TMEM117: variants seen among roughly 807,000 people sequenced by gnomAD.
TMEM117 encodes transmembrane protein 117.
A neutral mutation model predicts 52.4 loss-of-function variants in TMEM117; 27 were observed. The ratio of observed to expected loss-of-function variants is 0.51; its 90% CI spans 0.38 to 0.71. The LOEUF is 0.71. Among genes scored for constraint, TMEM117 ranks in the 30% least tolerant of loss-of-function variants. The probability of loss-of-function intolerance (pLI) is 0.00; values close to 1 mark genes in which losing one functional copy is unlikely to be tolerated. For missense variants in TMEM117, 556 were observed against 630.5 expected (o/e 0.88, Z 1.26); for synonymous variants, 215 against 206.3 (o/e 1.04, Z -0.36).
At chr12:44,177,193 A>G (rs948393290) in intron 4 of TMEM117, among the ~76,000 whole-genome samples, 2 of 152,196 alleles carry the variant, frequency 1.3e-5, no homozygotes, top group African/African-American at 4.8e-5. Context: ...GAAAAGAAAG[A>G]TATTTCTAAC....
Position 44,124,845 on chromosome 12 carries a change from A to T in TMEM117, c.411-18680A>T, listed in dbSNP as rs546200734. On this transcript the variant is annotated intron_variant, in intron 3 of 7. Coordinates refer to ENST00000266534, the MANE Select transcript of TMEM117 (RefSeq NM_032256.3). The stretch of plus-strand genomic sequence containing the variant: ...ATTTTTGCATCAATGTTCACCAAGG[A>T]TATTGGCCTGAGGTTTTCTTTCTTT... Among the ~76,000 whole-genome samples the T allele has an allele frequency of 2.6e-5, 4 of 152,236 alleles. No individual in the cohort carries two copies. The South Asian group carries it at 8.3e-4, about 32-fold the overall frequency.
intron 4 of TMEM117, among the ~76,000 whole-genome samples, chr12:44,151,796 G>T (rs1390156557): frequency 6.9e-6 from 1 of 144,136 alleles, no homozygotes; most frequent in East Asian, 2.0e-4. Context: ...AGTGCCTCTT[G>T]TGGGCCGAGA....
At chr12:43,842,801 T>C (rs570625935) in intron 1 of TMEM117, among the ~76,000 whole-genome samples, 3 of 152,118 alleles carry the variant, frequency 2.0e-5, no homozygotes, top group Non-Finnish European at 4.4e-5. Flanking sequence ...ACAGAGTTAT[T>C]ATAATTGTGT....
chr12:43,922,166 CTCTT>C (rs1472659990), intron 2 of TMEM117, among the ~76,000 whole-genome samples: 1 of 152,116 alleles, frequency 6.6e-6, no homozygotes, highest in African/African-American at 2.4e-5. Flanking sequence ...TGTGTGGTCT[CTCTT>C]TCTGTCTCTG....
intron 6 of TMEM117, among the ~76,000 whole-genome samples, chr12:44,328,052 G>T (rs953938012): frequency 1.3e-5 from 2 of 152,152 alleles, no homozygotes; most frequent in African/African-American, 4.8e-5. Flanking sequence ...TGTAAATAGT[G>T]AACTTGTCAA....
chr12:44,282,316 A>G (rs1950587769), intron 5 of TMEM117, among the ~76,000 whole-genome samples: 1 of 152,182 alleles, frequency 6.6e-6, no homozygotes, highest in Admixed American at 6.5e-5. Flanking sequence ...ATGACTTTGG[A>G]ACTGGGTAAC....
intron 3 of TMEM117, among the ~76,000 whole-genome samples, chr12:44,067,717 T>C (rs1169436198): frequency 6.6e-6 from 1 of 152,176 alleles, no homozygotes; most frequent in African/African-American, 2.4e-5. Flanking sequence ...CAGGCAGAGT[T>C]AGGTATAGCA....
At chr12:44,033,334 C>T (rs1410148355) in intron 3 of TMEM117, among the ~76,000 whole-genome samples, 1 of 152,168 alleles carries the variant, frequency 6.6e-6, no homozygotes, top group Admixed American at 6.5e-5. Flanking sequence ...ATCGAGTAGC[C>T]ATTCTTTTAT....
At chr12:44,212,697 AATTG>A (rs1949662827) in intron 5 of TMEM117, among the ~76,000 whole-genome samples, 1 of 152,162 alleles carries the variant, frequency 6.6e-6, no homozygotes, top group Non-Finnish European at 1.5e-5. Flanking sequence ...GGACTACTGT[AATTG>A]ATTATAGCTG....
intron 3 of TMEM117, among the ~76,000 whole-genome samples, chr12:43,953,732 TAGAC>T (rs1158930870): frequency 1.3e-5 from 2 of 152,194 alleles, no homozygotes; most frequent in Admixed American, 1.3e-4. Context: ...CTGTCAGTAT[TAGAC>T]AGATCATTGA....
intron 2 of TMEM117, among the ~76,000 whole-genome samples, chr12:43,862,937 G>A (rs547063988): frequency 6.6e-6 from 1 of 152,196 alleles, no homozygotes; most frequent in African/African-American, 2.4e-5. Flanking sequence ...CTGCACTCCA[G>A]CCCGGGTGAC....
chr12:44,086,285 C>T lies in TMEM117; in HGVS notation c.411-57240C>T, dbSNP rs151094758. 6.5e-4 allele frequency among the ~76,000 whole-genome samples: 97 copies of T among 148,848 alleles called. 3 individuals carry two copies. In the East Asian group the frequency reaches 0.015, roughly 24 times the overall value. ...CTGGAGTGTAGTGGCATGATCTCAGCTCACTGCAACCTGCGCCTCCCAGGT... is the reference window on the plus strand; with the variant it reads ...CTGGAGTGTAGTGGCATGATCTCAGTTCACTGCAACCTGCGCCTCCCAGGT... On this transcript the variant is annotated intron_variant, in intron 3 of 7. Coordinates refer to ENST00000266534, the MANE Select transcript of TMEM117 (RefSeq NM_032256.3).
intron 3 of TMEM117, among the ~76,000 whole-genome samples, chr12:44,072,519 A>G (rs1947317750): frequency 6.6e-6 from 1 of 152,142 alleles, no homozygotes; most frequent in South Asian, 2.1e-4. Context: ...CTAAGTCCAC[A>G]CTGAGGTCAA....
At chr12:44,366,353 T>A (rs1413056743) in intron 6 of TMEM117, among the ~76,000 whole-genome samples, 1 of 152,106 alleles carries the variant, frequency 6.6e-6, no homozygotes, top group Non-Finnish European at 1.5e-5. Flanking sequence ...AGAATCTCTC[T>A]CCCATAGGTG....
chr12:44,197,264 C>T (rs978700871), intron 4 of TMEM117, among the ~76,000 whole-genome samples: 30 of 152,108 alleles, frequency 2.0e-4, no homozygotes, highest in African/African-American at 7.0e-4. Flanking sequence ...CATTTCTGAA[C>T]ACATCCTTTA....
rs115838953 is a variant in TMEM117 at position 44,089,656 on chromosome 12, C to T, written c.411-53869C>T. ...ACACTTATCATGAATCTATAATTCTCCTGTAACACCTTTCCTCACTGATTT... is the reference window on the plus strand; with the variant it reads ...ACACTTATCATGAATCTATAATTCTTCTGTAACACCTTTCCTCACTGATTT... On this transcript the variant is annotated intron_variant, in intron 3 of 7. Transcript: ENST00000266534. Among the ~76,000 whole-genome samples the T allele has an allele frequency of 8.2e-3, 1,242 of 152,272 alleles. 13 individuals are homozygous for T. The highest frequency in any genetic ancestry group is 0.028 in the African/African-American group (1,183 of 41,548).
intron 3 of TMEM117, among the ~76,000 whole-genome samples, chr12:44,124,648 C>G (rs1051586747): frequency 6.6e-6 from 1 of 152,180 alleles, no homozygotes; most frequent in Non-Finnish European, 1.5e-5. Flanking sequence ...TTTTCTGCAT[C>G]TATTGAGATA....
At chr12:44,276,407 C>T (rs766286900) in intron 5 of TMEM117, among the ~76,000 whole-genome samples, 1 of 152,116 alleles carries the variant, frequency 6.6e-6, no homozygotes, top group Non-Finnish European at 1.5e-5. Flanking sequence ...AATACAAATA[C>T]AGCATGATCT....
intron 5 of TMEM117, among the ~76,000 whole-genome samples, chr12:44,232,182 T>G (rs1024433276): frequency 6.6e-5 from 10 of 151,640 alleles, no homozygotes; most frequent in African/African-American, 2.4e-4. Flanking sequence ...CTTTAGTAAC[T>G]TTTAGTGTTT....
Sources: allele counts gnomAD v4.1 joint callset (sites outside exome capture counted in the v4.1 genomes callset), GRCh38; gene constraint gnomAD v4.1.1; transcripts MANE v1.5; gene names NCBI Gene and HGNC (gene_info 2026-07-23, HGNC 2026-07-21).